Variants in CHD9 observed in about 807,000 individuals in gnomAD.
The protein encoded by CHD9 is ATP-dependent chromatin remodeler CHD9.
In CHD9, 77 loss-of-function variants were observed where a neutral mutation model predicts 316.1. The observed-to-expected ratio is 0.24, with a 90% CI of 0.20 to 0.29. The LOEUF is 0.29. Ranked by LOEUF, CHD9 falls within the 10% of genes least tolerant of loss-of-function variation. CHD9 has a pLI of 1.00. For missense variants in CHD9, 2,763 were observed against 3,438.1 expected (o/e 0.80, Z 4.91); for synonymous variants, 1,129 against 1,158.3 (o/e 0.97, Z 0.51).
intron 1 of CHD9, among the ~76,000 whole-genome samples, chr16:53,061,837 G>A (rs2032943613): frequency 6.6e-6 from 1 of 152,168 alleles, no homozygotes; most frequent in South Asian, 2.1e-4. Context: ...TATGGGTGGG[G>A]CACCCATAGT....
At chr16:53,059,669 C>T (rs1233852663) in intron 1 of CHD9, among the ~76,000 whole-genome samples, 1 of 152,166 alleles carries the variant, frequency 6.6e-6, no homozygotes, top group Admixed American at 6.5e-5. Flanking sequence ...CCTCAATCTG[C>T]CTCTTGTCTC....
chr16:53,165,716 A>AATAATTTGCTGTAGTT (rs11269789), intron 2 of CHD9, among the ~76,000 whole-genome samples: 1 of 151,816 alleles, frequency 6.6e-6, no homozygotes. Flanking sequence ...AACTAAAGCA[A>AATAATTTGCTGTAGTT]TGCTCACACC....
At chr16:53,145,036 A>G (rs2040456101) in intron 1 of CHD9, among the ~76,000 whole-genome samples, 1 of 151,810 alleles carries the variant, frequency 6.6e-6, no homozygotes, top group Non-Finnish European at 1.5e-5. Context: ...GTAAGTAATG[A>G]TTAAGTCAAT....
At chr16:53,107,489 T>TAAATAAAATA (rs60801106) in intron 1 of CHD9, among the ~76,000 whole-genome samples, 75 of 123,134 alleles carry the variant, frequency 6.1e-4, no homozygotes, top group East Asian at 2.3e-3. Context: ...TAAAATAAAA[T>TAAATAAAATA]AAATAAAATA....
chr16:53,289,868 G>T (rs1260618868), intron 27 of CHD9, among the ~76,000 whole-genome samples: 1 of 152,150 alleles, frequency 6.6e-6, no homozygotes, highest in East Asian at 1.9e-4. Context: ...TGCCCTGTAA[G>T]GTTGCCAAGG....
In CHD9 at chr16:53,304,105, G is replaced by C; in HGVS notation, c.6099G>C (p.Arg2033Ser). Residue 2033 changes from arginine (R) to serine (S), a missense_variant, in exon 31 of 39, where the codon AGG becomes AGC. Arg to Ser is a moderately radical substitution (Grantham distance 110). Coordinates refer to ENST00000447540, the MANE Select transcript of CHD9 (RefSeq NM_001308319.2). ...CTTCTCCTCTTACCTCTCTACCTAG[G>C]CTCCTAGATGCTAAAGGTATTATTC... is the stretch of plus-strand genomic sequence containing the variant. ...LSASPLTSLPRLLDAKGIILE... is the reference protein window; with the variant it reads ...LSASPLTSLPSLLDAKGIILE... 2 of 1,613,824 alleles carry C rather than the reference G, an allele frequency of 1.2e-6. No homozygotes were observed. The highest frequency in any genetic ancestry group is 1.7e-6 in the Non-Finnish European group (2 of 1,179,842).
intron 11 of CHD9, among the ~76,000 whole-genome samples, chr16:53,235,864 T>TA (rs1303191919): frequency 1.3e-5 from 2 of 152,054 alleles, no homozygotes; most frequent in Admixed American, 6.6e-5. Flanking sequence ...GCAAAAGAAG[T>TA]AAAAAAATGT....
intron 1 of CHD9, among the ~76,000 whole-genome samples, chr16:53,094,692 T>G (rs1596964693): frequency 6.8e-6 from 1 of 147,894 alleles, no homozygotes. Flanking sequence ...CAGGCTGGAG[T>G]GCAATGGTGT....
At chr16:53,260,935 G>A (rs2051028077) in intron 19 of CHD9, among the ~76,000 whole-genome samples, 1 of 152,048 alleles carries the variant, frequency 6.6e-6, no homozygotes, top group African/African-American at 2.4e-5. Context: ...AATCATATCT[G>A]CAAAGTCCCT....
chr16:53,204,026 A>C (rs2045669946), intron 2 of CHD9, among the ~76,000 whole-genome samples: 1 of 72,256 alleles, frequency 1.4e-5, no homozygotes, highest in Non-Finnish European at 2.8e-5. Context: ...TCCATCTCAA[A>C]AAAAAAAAAA....
intron 1 of CHD9, among the ~76,000 whole-genome samples, chr16:53,151,920 T>C (rs868081849): frequency 1.3e-5 from 2 of 152,222 alleles, no homozygotes; most frequent in Middle Eastern, 3.4e-3. Flanking sequence ...CTGTCAACTT[T>C]TTTCTTCCTT....
chr16:53,226,541 A>G, intron 5 of CHD9, 29 bp downstream of exon 5: 1 of 1,580,310 alleles, frequency 6.3e-7, no homozygotes, highest in Non-Finnish European at 8.5e-7. Flanking sequence ...ATGACTGCAA[A>G]ACATTTTAAA....
chr16:53,063,027 A>T (rs1200754754), intron 1 of CHD9, among the ~76,000 whole-genome samples: 1 of 152,218 alleles, frequency 6.6e-6, no homozygotes, highest in Non-Finnish European at 1.5e-5. Flanking sequence ...TCTCAAAAAA[A>T]TAAAATAAAA....
chr16:53,134,504 G>C (rs2039572787), intron 1 of CHD9, among the ~76,000 whole-genome samples: 1 of 152,098 alleles, frequency 6.6e-6, no homozygotes, highest in Non-Finnish European at 1.5e-5. Flanking sequence ...TTACCAGTCT[G>C]TGAATACTCA....
intron 11 of CHD9, among the ~76,000 whole-genome samples, chr16:53,237,910 G>A (rs2048766968): frequency 6.6e-6 from 1 of 151,944 alleles, no homozygotes; most frequent in Admixed American, 6.6e-5. Context: ...CTGTGCTTCA[G>A]TGATAGCACA....
chr16:53,296,821 G>A, intron 29 of CHD9, 135 bp from the exon 30 acceptor site: 2 of 585,310 alleles, frequency 3.4e-6, no homozygotes, highest in Non-Finnish European at 5.8e-6. Flanking sequence ...GTTTTACAAG[G>A]CAGCAAGCTT....
chr16:53,131,988 A>G (rs2039357854), intron 1 of CHD9, among the ~76,000 whole-genome samples: 1 of 152,130 alleles, frequency 6.6e-6, no homozygotes, highest in Non-Finnish European at 1.5e-5. Flanking sequence ...CTGCGTGGAC[A>G]TCCAGCCCAA....
At chr16:53,236,132 A>C (rs1156426937) in intron 11 of CHD9, among the ~76,000 whole-genome samples, 1 of 152,090 alleles carries the variant, frequency 6.6e-6, no homozygotes, top group Non-Finnish European at 1.5e-5. Context: ...CATTTTTCCC[A>C]AGAGAACCAT....
chr16:53,321,526 G>T lies in CHD9; in HGVS notation c.7714G>T (p.Val2572Phe). 1.3e-6 allele frequency: 2 copies of T among 1,537,746 alleles called. No individual in the cohort carries two copies. Among genetic ancestry groups the T allele is most frequent in the Non-Finnish European group, 1.8e-6 (2 of 1,136,012 alleles). The change falls in exon 38 of 39, where the codon GTT becomes TTT. Residue 2572 changes from valine (V) to phenylalanine (F), a missense_variant and splice_region_variant. This residue lies in a region of CHD9 where 298 missense variants were observed against 380.2 expected (regional missense o/e 0.78). Coordinates refer to ENST00000447540, the MANE Select transcript of CHD9 (RefSeq NM_001308319.2). ...QLINRRNARK[V>F]GGAFAPPLKD... is the part of the protein sequence containing the mutation. ...TATTTAATCTGTTTCTAATTTACAG[G>T]TTGGAGGTGCATTTGCTCCCCCTTT...
Sources: gnomAD v4.1 joint callset for allele counts (sites outside exome capture counted in the v4.1 genomes callset) on GRCh38, gnomAD v4.1.1 for gene constraint, gnomAD v4.1.1 regional missense constraint, MANE v1.5 for transcripts, NCBI Gene and HGNC (gene_info 2026-07-23, HGNC 2026-07-21) for gene names.